The following SNX19 variants were observed in gnomAD, a reference collection of about 807,000 sequenced individuals.
SNX19 encodes sorting nexin-19.
In SNX19, 60 loss-of-function variants were observed where a neutral mutation model predicts 85.2. That is an observed-to-expected ratio of 0.70 (90% CI 0.57 to 0.87). SNX19 has a LOEUF of 0.87. Ranked by LOEUF, SNX19 falls within the 40% of genes least tolerant of loss-of-function variation. SNX19 has a pLI of 0.00. For synonymous variants in SNX19, 520 were observed against 470.0 expected (o/e 1.11, Z -1.38); for missense variants, 1,201 against 1,217.8 (o/e 0.99, Z 0.21).
At chr11:130,907,659 A>G (rs1175787892) in intron 5 of SNX19, among the ~76,000 whole-genome samples, 1 of 152,242 alleles carries the variant, frequency 6.6e-6, no homozygotes. Context: ...CCAGGAAAAG[A>G]GGAAAGAGAA....
Position 130,877,207 on chromosome 11 carries a change from T to C in SNX19, c.*1215A>G, listed in dbSNP as rs1221179473. ...GACATCTTTTTGCCAGCTATTCACA[T>C]GCATTTAATATACAGCACTTCCCTG... On this transcript the variant is annotated 3_prime_UTR_variant, in exon 11 of 11. Transcript: ENST00000265909. 1 of 152,208 alleles carries C rather than the reference T, an allele frequency of 6.6e-6. No individual in the cohort carries two copies. The highest frequency in any genetic ancestry group is 1.5e-5 in the Non-Finnish European group (1 of 68,040). The allele number at this position is 152,208 out of a possible 1,614,324, so 9.4% of individuals were successfully genotyped here. A position where few individuals can be genotyped will look rare whatever the true frequency, so the allele number is the denominator to read the frequency against.
rs200258836 is a variant in SNX19 at position 130,878,961 on chromosome 11, T to C, written c.2847-407A>G. Among the ~76,000 whole-genome samples, 5 of 152,152 alleles carry C rather than the reference T, an allele frequency of 3.3e-5. No homozygotes were observed. The East Asian group carries it at 9.6e-4, about 29-fold the overall frequency. On this transcript the variant is annotated intron_variant, in intron 10 of 10. Transcript: ENST00000265909. Reference sequence around the variant, plus strand: ...GGCAGTGAGGTAAAGCCAGGATCCTTGAGGAAGTTAACGAACACAGTCTAC... The same window carrying C: ...GGCAGTGAGGTAAAGCCAGGATCCTCGAGGAAGTTAACGAACACAGTCTAC...
At chr11:130,897,674 CA>C (rs1460822767) in intron 8 of SNX19, among the ~76,000 whole-genome samples, 2 of 152,244 alleles carry the variant, frequency 1.3e-5, no homozygotes, top group East Asian at 3.9e-4. Context: ...CTTCCTGCCC[CA>C]AACCCCCTAC....
At chr11:130,911,335 A>T in intron 2 of SNX19, 3 of 620,970 alleles carry the variant, frequency 4.8e-6, no homozygotes, top group Non-Finnish European at 6.4e-6. Flanking sequence ...GAATCTGGAA[A>T]AGTTAATTTA....
rs781765924 is a variant in SNX19, at chr11:130,876,478, T to G, written c.*1944A>C. On this transcript the variant is annotated 3_prime_UTR_variant, in exon 11 of 11. Coordinates refer to ENST00000265909, the MANE Select transcript of SNX19 (RefSeq NM_014758.3). Reference sequence around the variant, plus strand: ...TCTTTGGGCTGGAAGTGTCAAAAGATTCCTTAGAATTTATAGCCACAGGGA... The same window carrying G: ...TCTTTGGGCTGGAAGTGTCAAAAGAGTCCTTAGAATTTATAGCCACAGGGA... 2 of 152,658 alleles carry G rather than the reference T, an allele frequency of 1.3e-5. No individual in the cohort carries two copies. The highest frequency in any genetic ancestry group is 4.8e-5 in the African/African-American group (2 of 41,430). The allele number at this position is 152,658 out of a possible 1,614,324, so 9.5% of individuals were successfully genotyped here. A position where few individuals can be genotyped will look rare whatever the true frequency, so the allele number is the denominator to read the frequency against.
rs1459647868 is a variant in SNX19, at chr11:130,915,102, T to C, written c.838A>G (p.Ser280Gly). The C allele has an allele frequency of 6.2e-7, 1 of 1,613,912 alleles. No individual in the cohort carries two copies. The highest frequency in any genetic ancestry group is 8.5e-7 in the Non-Finnish European group (1 of 1,179,856). The change falls in exon 1 of 11, where the codon AGT becomes GGT. Residue 280 changes from serine (S) to glycine (G), a missense_variant. By Grantham distance (56) the Ser-to-Gly change is moderately conservative. Coordinates refer to ENST00000265909, the MANE Select transcript of SNX19 (RefSeq NM_014758.3). ...GGCACTGAGGGCTGTTCGGGGGCAC[T>C]GGCTGGGCAGGGTGCTGGATCTCTG... is the stretch of plus-strand genomic sequence containing the variant. ...KARDPAPCPASAPEQPSVPTS... is the reference protein window; with the variant it reads ...KARDPAPCPAGAPEQPSVPTS...
chr11:130,882,298 C>T (rs1341088313), intron 8 of SNX19, among the ~76,000 whole-genome samples: 1 of 152,222 alleles, frequency 6.6e-6, no homozygotes, highest in Non-Finnish European at 1.5e-5. Flanking sequence ...TGATCCTGCA[C>T]CACATGGCAG....
chr11:130,910,532 T>C (rs1446240584), intron 2 of SNX19, among the ~76,000 whole-genome samples, 162 bp from the exon 3 acceptor site: 1 of 152,204 alleles, frequency 6.6e-6, no homozygotes, highest in Non-Finnish European at 1.5e-5. Flanking sequence ...ATATGATCCA[T>C]ATAACACTAA....
intron 8 of SNX19, 131 bp downstream of exon 8, chr11:130,903,124 A>T: frequency 7.6e-7 from 1 of 1,313,034 alleles, no homozygotes; most frequent in Admixed American, 2.3e-5. Context: ...GGCATTTTTC[A>T]TCCCTGTAAC....
rs983134038 is a variant in SNX19 at position 130,867,153 on chromosome 11, A to T, written c.*11269T>A. ...CTGGGTGAGTGATCCTGGGCAAAAG[A>T]CAAGCTCTCTGCATTTCAGTTTCCT... On this transcript the variant is annotated 3_prime_UTR_variant, in exon 11 of 11. Coordinates refer to ENST00000265909, the MANE Select transcript of SNX19 (RefSeq NM_014758.3). 2.0e-5 allele frequency: 3 copies of T among 152,244 alleles called. No homozygotes were observed. Among genetic ancestry groups the T allele is most frequent in the Admixed American group, 2.0e-4 (3 of 15,284 alleles). 9.4% of individuals were successfully genotyped at this position (152,244 alleles called of 1,614,324 possible). A position where few individuals can be genotyped will look rare whatever the true frequency, so the allele number is the denominator to read the frequency against.
chr11:130,890,257 A>G (rs1944404720), intron 8 of SNX19, among the ~76,000 whole-genome samples: 1 of 152,108 alleles, frequency 6.6e-6, no homozygotes, highest in African/African-American at 2.4e-5. Context: ...TACCTCCTCA[A>G]TATCTCATGA....
Position 130,901,463 on chromosome 11 carries a change from A to C in SNX19, c.2573+1792T>G, listed in dbSNP as rs377083394. Reference sequence around the variant, plus strand: ...TGCAGTAGGCCAAGCAGACAAGAAGAGGAAAAGTTAGGAACACATGGAAGG... The same window carrying C: ...TGCAGTAGGCCAAGCAGACAAGAAGCGGAAAAGTTAGGAACACATGGAAGG... On this transcript the variant is annotated intron_variant, in intron 8 of 10. Transcript: ENST00000265909. 1.2e-4 allele frequency among the ~76,000 whole-genome samples: 18 copies of C among 152,294 alleles called. No individual in the cohort carries two copies. In the East Asian group the frequency reaches 3.1e-3, roughly 26 times the overall value.
intron 8 of SNX19, among the ~76,000 whole-genome samples, chr11:130,884,648 A>C (rs921421965): frequency 6.6e-6 from 1 of 152,064 alleles, no homozygotes; most frequent in African/African-American, 2.4e-5. Context: ...CGGGCAGATC[A>C]CCTGAGGTCA....
In SNX19 at chr11:130,914,505, G is replaced by GT. The variant is rs750817226; in HGVS notation, c.1434dup (p.Arg479ThrfsTer12). The GT allele has an allele frequency of 1.2e-6, 2 of 1,613,944 alleles. No individual in the cohort carries two copies. Among genetic ancestry groups the GT allele is most frequent in the Non-Finnish European group, 1.7e-6 (2 of 1,179,846 alleles). On this transcript the variant is annotated frameshift_variant, in exon 1 of 11. Transcript: ENST00000265909. LOFTEE classifies it high-confidence loss of function. Reference sequence around the variant, plus strand: ...AGATCCTTCTCTAAGCATGACGGCCGTGAGGGGCAGGTCTTTTCTGGCCCC... The same window carrying GT: ...AGATCCTTCTCTAAGCATGACGGCCGTTGAGGGGCAGGTCTTTTCTGGCCCC...
At position 130,874,914 on chromosome 11, in the gene SNX19, T is replaced by C. The variant is rs1008756306; in HGVS notation, c.*3508A>G. Among the ~76,000 whole-genome samples the C allele has an allele frequency of 2.0e-5, 3 of 152,140 alleles. No homozygotes were observed. The highest frequency in any genetic ancestry group is 1.3e-4 in the Admixed American group (2 of 15,286). ...AACTGGAACCCTTGTACATTGTTGG[T>C]GGGAATGTAAAATGGTCTAGTCACT... On this transcript the variant is annotated 3_prime_UTR_variant, in exon 11 of 11. Transcript: ENST00000265909.
Position 130,915,268 on chromosome 11 carries a change from C to T in SNX19, c.672G>A (p.Val224=). The change falls in exon 1 of 11, where the codon GTG becomes GTA. Residue 224 remains valine (V), a synonymous_variant. Transcript: ENST00000265909. ...GVVNLLLQGL[V]PKPHLETRTG... is the part of the protein sequence containing the mutation. ...TACGAGTCTCCAAGTGGGGCTTGGG[C>T]ACCAGCCCTTGAAGCAACAAATTCA... 6.2e-7 allele frequency: 1 copy of T among 1,614,242 alleles called. No individual in the cohort carries two copies. Among genetic ancestry groups the T allele is most frequent in the Non-Finnish European group, 8.5e-7 (1 of 1,180,052 alleles).
Position 130,903,282 on chromosome 11 carries a change from C to T in SNX19, c.2546G>A (p.Arg849His), listed in dbSNP as rs776578393. ...LCTENMQKFLRLIFGTLVQRW... is the reference protein window; with the variant it reads ...LCTENMQKFLHLIFGTLVQRW... Reference sequence around the variant, plus strand: ...TTGAACTAGGGTCCCAAAGATAAGACGAAGAAACTTTTGCATGTTTTCGGT... The same window carrying T: ...TTGAACTAGGGTCCCAAAGATAAGATGAAGAAACTTTTGCATGTTTTCGGT... Residue 849 changes from arginine (R) to histidine (H), a missense_variant, in exon 8 of 11, where the codon CGT (arginine) becomes CAT (histidine). By Grantham distance (29) the Arg-to-His change is conservative (BLOSUM62 0). Around this residue, in one of 3 missense-constraint regions of SNX19, gnomAD observed 285 missense variants for 295.3 expected, o/e 0.97. Coordinates refer to ENST00000265909, the MANE Select transcript of SNX19 (RefSeq NM_014758.3). 8.7e-6 allele frequency: 14 copies of T among 1,613,662 alleles called. No homozygotes were observed. Among genetic ancestry groups the T allele is most frequent in the South Asian group, 4.4e-5 (4 of 91,060 alleles).
chr11:130,878,477 G>T lies in SNX19; in HGVS notation c.2924C>A (p.Thr975Asn). The T allele has an allele frequency of 6.2e-7, 1 of 1,613,920 alleles. No homozygotes were observed. ...LSASVEESAA[T>N]TSASDTPGNS... ...GCCTGGGGTATCTGAGGCAGAGGTGGTAGCAGCAGACTCCTCAACAGAGGC... is the reference window on the plus strand; with the variant it reads ...GCCTGGGGTATCTGAGGCAGAGGTGTTAGCAGCAGACTCCTCAACAGAGGC... The change falls in exon 11 of 11, where the codon ACC (threonine) becomes AAC (asparagine). Residue 975 changes from threonine (T) to asparagine (N), a missense_variant. By Grantham distance (65) the Thr-to-Asn change is moderately conservative. Transcript: ENST00000265909.
chr11:130,888,358 C>T (rs975710755), intron 8 of SNX19, among the ~76,000 whole-genome samples: 1 of 152,106 alleles, frequency 6.6e-6, no homozygotes, highest in Non-Finnish European at 1.5e-5. Flanking sequence ...CTAGAAATTT[C>T]CCTCTAGGAT....
Sources: allele counts gnomAD v4.1 joint callset (sites outside exome capture counted in the v4.1 genomes callset), GRCh38; gene constraint gnomAD v4.1.1; regional missense constraint gnomAD v4.1.1; transcripts MANE v1.5; gene names NCBI Gene and HGNC (gene_info 2026-07-23, HGNC 2026-07-21).